The following GPC6 variants were observed in gnomAD, a reference collection of about 807,000 sequenced individuals.
GPC6 encodes the protein glypican 6, also known as glypican-6.
GPC6 carries 14 observed loss-of-function variants against 55.2 expected under a neutral mutation model. The ratio of observed to expected loss-of-function variants is 0.25; its 90% CI spans 0.17 to 0.40. GPC6 has a LOEUF of 0.40. Ranked by LOEUF, GPC6 falls within the 10% of genes least tolerant of loss-of-function variation. The probability of loss-of-function intolerance (pLI) is 1.00; values close to 1 mark genes in which losing one functional copy is unlikely to be tolerated. For missense variants in GPC6, 641 were observed against 708.5 expected, an observed-to-expected ratio of 0.90 and a Z score of 1.08; for synonymous variants, 278 against 259.6, an observed-to-expected ratio of 1.07 and a Z score of -0.68.
chr13:93,667,176 C>T (rs907228180), intron 2 of GPC6, among the ~76,000 whole-genome samples: 2 of 152,102 alleles, frequency 1.3e-5, no homozygotes, highest in Non-Finnish European at 2.9e-5. Context: ...AAATAAAAAG[C>T]TGTGTATCTA....
chr13:94,025,773 T>A (rs528508627), intron 3 of GPC6, among the ~76,000 whole-genome samples: 1 of 152,342 alleles, frequency 6.6e-6, no homozygotes, highest in East Asian at 1.9e-4. Flanking sequence ...TGAATACCTT[T>A]ATAAAGAAAG....
intron 2 of GPC6, among the ~76,000 whole-genome samples, chr13:93,673,963 C>T (rs1881475999): frequency 6.6e-6 from 1 of 151,944 alleles, no homozygotes; most frequent in African/African-American, 2.4e-5. Flanking sequence ...CAGTTTTCCT[C>T]CTGTAAGTGT....
At chr13:93,413,463 T>C (rs1876586198) in intron 1 of GPC6, among the ~76,000 whole-genome samples, 1 of 152,152 alleles carries the variant, frequency 6.6e-6, no homozygotes, top group African/African-American at 2.4e-5. Context: ...GCAGATCTAC[T>C]GGATATATAA....
chr13:93,334,727 A>T (rs2139141529), intron 1 of GPC6, among the ~76,000 whole-genome samples: 1 of 152,284 alleles, frequency 6.6e-6, no homozygotes, highest in East Asian at 1.9e-4. Context: ...TCAGCCTCCC[A>T]AAGTGTTGCG....
intron 3 of GPC6, among the ~76,000 whole-genome samples, chr13:93,867,319 G>A (rs1435745272): frequency 1.3e-5 from 2 of 151,682 alleles, no homozygotes; most frequent in African/African-American, 2.4e-5. Flanking sequence ...TAACATTGAG[G>A]TAGGGCATGA....
chr13:94,318,058 T>C (rs1331858284), intron 6 of GPC6, among the ~76,000 whole-genome samples: 1 of 152,214 alleles, frequency 6.6e-6, no homozygotes, highest in African/African-American at 2.4e-5. Flanking sequence ...GTGAACAAAA[T>C]GTGAGTAGCA....
chr13:93,847,185 G>A (rs1229244102), intron 3 of GPC6, among the ~76,000 whole-genome samples: 1 of 152,136 alleles, frequency 6.6e-6, no homozygotes, highest in Non-Finnish European at 1.5e-5. Context: ...ATGGCCATGA[G>A]GAAGGTTGCA....
chr13:93,285,056 C>A (rs1008584018), intron 1 of GPC6, among the ~76,000 whole-genome samples: 16 of 151,926 alleles, frequency 1.1e-4, no homozygotes, highest in African/African-American at 3.1e-4. Context: ...TGGTAAAGGC[C>A]CCTTTGAGGA....
intron 2 of GPC6, among the ~76,000 whole-genome samples, chr13:93,763,297 C>G (rs1179896914): frequency 6.6e-6 from 1 of 152,176 alleles, no homozygotes; most frequent in African/African-American, 2.4e-5. Context: ...CTCTTTGATT[C>G]CCTATGATGC....
chr13:93,236,632 G>A (rs1358450944), intron 1 of GPC6, among the ~76,000 whole-genome samples: 1 of 152,160 alleles, frequency 6.6e-6, no homozygotes, highest in East Asian at 1.9e-4. Flanking sequence ...TGCTCATTAT[G>A]AGAATCTAAT....
At chr13:94,200,396 C>T (rs1889714108) in intron 4 of GPC6, among the ~76,000 whole-genome samples, 1 of 152,138 alleles carries the variant, frequency 6.6e-6, no homozygotes, top group Admixed American at 6.5e-5. Flanking sequence ...GAATTATTTT[C>T]AAATCTGTTA....
At chr13:93,819,152 A>G (rs1443115152) in intron 2 of GPC6, among the ~76,000 whole-genome samples, 1 of 152,202 alleles carries the variant, frequency 6.6e-6, no homozygotes, top group African/African-American at 2.4e-5. Context: ...AGTACACTCC[A>G]TTTGACTGTT....
intron 2 of GPC6, among the ~76,000 whole-genome samples, chr13:93,696,305 G>C (rs75981599): frequency 6.6e-6 from 1 of 151,892 alleles, no homozygotes; most frequent in Non-Finnish European, 1.5e-5. Context: ...TTAGAGTTTT[G>C]GTATTGCTTT....
At chr13:93,727,360 G>T (rs1414201001) in intron 2 of GPC6, among the ~76,000 whole-genome samples, 2 of 151,904 alleles carry the variant, frequency 1.3e-5, no homozygotes, top group African/African-American at 2.4e-5. Flanking sequence ...CTATAGATTT[G>T]ATTACACAAT....
At chr13:93,326,625 ATATT>A (rs751539766) in intron 1 of GPC6, among the ~76,000 whole-genome samples, 1 of 152,194 alleles carries the variant, frequency 6.6e-6, no homozygotes, top group Non-Finnish European at 1.5e-5. Context: ...CATCTGGAAA[ATATT>A]TCTTTATGTC....
At chr13:94,390,142 G>C (rs986313510) in intron 7 of GPC6, among the ~76,000 whole-genome samples, 1 of 152,216 alleles carries the variant, frequency 6.6e-6, no homozygotes, top group Non-Finnish European at 1.5e-5. Context: ...AACGAAAACA[G>C]CAAGTCATGA....
chr13:94,255,708 T>C (rs1306480684), intron 4 of GPC6, among the ~76,000 whole-genome samples: 1 of 151,818 alleles, frequency 6.6e-6, no homozygotes, highest in Non-Finnish European at 1.5e-5. Flanking sequence ...AGGTCAGGAG[T>C]ATCAGGACAG....
Position 93,703,756 on chromosome 13 carries a change from G to A in GPC6, c.320-126398G>A, listed in dbSNP as rs897934720. Among the ~76,000 whole-genome samples, 3 of 151,934 alleles carry A rather than the reference G, an allele frequency of 2.0e-5. No individual in the cohort carries two copies. In the East Asian group the frequency reaches 5.8e-4, roughly 30 times the overall value. On this transcript the variant is annotated intron_variant, in intron 2 of 8. Coordinates refer to ENST00000377047, the MANE Select transcript of GPC6 (RefSeq NM_005708.5). Reference sequence around the variant, plus strand: ...ACTTAATATTTGAAGTTTGGGGGAGGAGTGGTACTTTGAAGACTTATCCCT... The same window carrying A: ...ACTTAATATTTGAAGTTTGGGGGAGAAGTGGTACTTTGAAGACTTATCCCT...
chr13:94,085,867 A>G (rs1185305890), intron 4 of GPC6, among the ~76,000 whole-genome samples: 2 of 152,180 alleles, frequency 1.3e-5, no homozygotes, highest in Non-Finnish European at 2.9e-5. Context: ...TGTAAAAAAT[A>G]TACACTGAGT....
Sources: allele counts gnomAD v4.1 joint callset (sites outside exome capture counted in the v4.1 genomes callset), GRCh38; gene constraint gnomAD v4.1.1; transcripts MANE v1.5; gene names NCBI Gene and HGNC (gene_info 2026-07-23, HGNC 2026-07-21).